Variants in ARHGEF28 observed in about 807,000 individuals in gnomAD.
ARHGEF28 encodes the protein Rho guanine nucleotide exchange factor 28, also known as 190 kDa guanine nucleotide exchange factor.
A neutral mutation model predicts 206.6 loss-of-function variants in ARHGEF28; 152 were observed. That is an observed-to-expected ratio of 0.74 (90% CI 0.64 to 0.84). The LOEUF is 0.84. Ranked by LOEUF, ARHGEF28 falls within the 40% of genes least tolerant of loss-of-function variation. The probability of loss-of-function intolerance (pLI) is 0.00; values close to 1 mark genes in which losing one functional copy is unlikely to be tolerated. For synonymous variants in ARHGEF28, 763 were observed against 776.4 expected, an observed-to-expected ratio of 0.98 and a Z score of 0.29; for missense variants, 2,028 against 2,073.2, an observed-to-expected ratio of 0.98 and a Z score of 0.42.
intron 25 of ARHGEF28, among the ~76,000 whole-genome samples, chr5:73,886,381 T>C (rs1436107605): frequency 6.6e-6 from 1 of 152,234 alleles, no homozygotes; most frequent in African/African-American, 2.4e-5. Flanking sequence ...TTCTGCTAAT[T>C]GTTGACACAG....
chr5:73,761,095 G>A (rs906717168), intron 4 of ARHGEF28, among the ~76,000 whole-genome samples: 13 of 151,700 alleles, frequency 8.6e-5, no homozygotes, highest in African/African-American at 3.1e-4. Context: ...CAAAGGATTC[G>A]GGACTGTAGA....
chr5:73,730,216 G>A (rs1306941138), intron 2 of ARHGEF28, among the ~76,000 whole-genome samples: 2 of 152,156 alleles, frequency 1.3e-5, no homozygotes, highest in East Asian at 1.9e-4. Flanking sequence ...ATCCTCAAAT[G>A]TAGAGTTTTT....
At chr5:73,814,846 A>G (rs1294003313) in intron 9 of ARHGEF28, among the ~76,000 whole-genome samples, 1 of 152,172 alleles carries the variant, frequency 6.6e-6, no homozygotes, top group Non-Finnish European at 1.5e-5. Flanking sequence ...GCTTAGATCA[A>G]GGCCAACCCC....
chr5:73,723,603 T>G (rs1750096099), intron 2 of ARHGEF28, among the ~76,000 whole-genome samples: 1 of 152,224 alleles, frequency 6.6e-6, no homozygotes, highest in Non-Finnish European at 1.5e-5. Flanking sequence ...ATTTGTATGC[T>G]TTTCTAAATG....
intron 7 of ARHGEF28, among the ~76,000 whole-genome samples, chr5:73,791,890 G>A (rs1026283343): frequency 6.6e-6 from 1 of 152,142 alleles, no homozygotes; most frequent in Non-Finnish European, 1.5e-5. Flanking sequence ...AACAGAATAG[G>A]TAGAGTTACT....
chr5:73,870,565 T>C (rs1328806131), intron 21 of ARHGEF28, among the ~76,000 whole-genome samples: 1 of 152,228 alleles, frequency 6.6e-6, no homozygotes, highest in Non-Finnish European at 1.5e-5. Context: ...TTACCTCTTC[T>C]GTGTAAGAAT....
At chr5:73,710,793 C>T (rs1018538759) in intron 2 of ARHGEF28, among the ~76,000 whole-genome samples, 3 of 152,104 alleles carry the variant, frequency 2.0e-5, no homozygotes, top group African/African-American at 4.8e-5. Flanking sequence ...GCCTCTGCCT[C>T]GCGGGTTCAA....
intron 9 of ARHGEF28, among the ~76,000 whole-genome samples, chr5:73,822,096 CTT>C (rs749286641): frequency 1.9e-4 from 29 of 152,260 alleles, no homozygotes; most frequent in Admixed American, 4.6e-4. Context: ...GAATAGGACT[CTT>C]TTTAAGGATC....
At chr5:73,797,913 A>G (rs1754915687) in intron 9 of ARHGEF28, among the ~76,000 whole-genome samples, 1 of 152,194 alleles carries the variant, frequency 6.6e-6, no homozygotes, top group Non-Finnish European at 1.5e-5. Flanking sequence ...TATCCAGTGT[A>G]GTAGCCTGTG....
At chr5:73,813,737 G>A (rs1430734411) in intron 9 of ARHGEF28, 19 of 1,489,434 alleles carry the variant, frequency 1.3e-5, no homozygotes, top group African/African-American at 4.2e-5. Context: ...TTTCTTTTCC[G>A]TGTTTCTTTG....
intron 3 of ARHGEF28, 30 bp from the exon 4 acceptor site, chr5:73,752,879 G>T: frequency 6.2e-7 from 1 of 1,611,956 alleles, no homozygotes; most frequent in South Asian, 1.1e-5. Context: ...TACAGACTTG[G>T]GGTGAACTGT....
chr5:73,896,311 G>GA (rs1761956881), intron 29 of ARHGEF28, among the ~76,000 whole-genome samples: 2 of 152,176 alleles, frequency 1.3e-5, no homozygotes, highest in African/African-American at 4.8e-5. Context: ...CGTGTTTAAG[G>GA]AAAGAAGGGA....
chr5:73,815,263 A>C (rs766689344), intron 9 of ARHGEF28, among the ~76,000 whole-genome samples: 9 of 152,114 alleles, frequency 5.9e-5, no homozygotes, highest in Non-Finnish European at 1.2e-4. Flanking sequence ...TAGAAAATGC[A>C]GTCAAATGTT....
intron 1 of ARHGEF28, among the ~76,000 whole-genome samples, chr5:73,656,664 G>T (rs1406040074): frequency 6.6e-6 from 1 of 152,126 alleles, no homozygotes; most frequent in Admixed American, 6.5e-5. Context: ...ACTATTGTCA[G>T]AATGATCCTG....
At chr5:73,665,757 C>T (rs1745910780) in intron 1 of ARHGEF28, among the ~76,000 whole-genome samples, 1 of 151,990 alleles carries the variant, frequency 6.6e-6, no homozygotes. Context: ...GTCCTCATGA[C>T]CTAATCACCT....
rs1345686291 is a variant in ARHGEF28 at position 73,896,914 on chromosome 5, G to T, written c.3842-1048G>T. Reference sequence around the variant, plus strand: ...GAACCCAGAGCAATGGAGGTGCTGCGTGAGCCGCAGTTGGATAATCCACCC... The same window carrying T: ...GAACCCAGAGCAATGGAGGTGCTGCTTGAGCCGCAGTTGGATAATCCACCC... On this transcript the variant is annotated intron_variant, in intron 29 of 35. Transcript: ENST00000513042. Among the ~76,000 whole-genome samples, 4 of 152,322 alleles carry T rather than the reference G, an allele frequency of 2.6e-5. No individual in the cohort carries two copies. In the East Asian group the frequency reaches 7.7e-4, roughly 29 times the overall value.
intron 7 of ARHGEF28, chr5:73,786,540 C>G (rs1445430801): frequency 6.6e-6 from 1 of 152,202 alleles, no homozygotes; most frequent in East Asian, 1.9e-4. Flanking sequence ...TCATCTCTCT[C>G]AAGTCCTTAT....
chr5:73,649,544 G>C (rs554004519), intron 1 of ARHGEF28, among the ~76,000 whole-genome samples: 16 of 152,360 alleles, frequency 1.1e-4, no homozygotes, highest in African/African-American at 3.8e-4. Flanking sequence ...TTGGAGCTCA[G>C]AGACATGAGA....
intron 26 of ARHGEF28, among the ~76,000 whole-genome samples, chr5:73,891,008 G>A (rs187289158): frequency 9.8e-5 from 15 of 152,316 alleles, no homozygotes; most frequent in South Asian, 6.2e-4. Flanking sequence ...TAATCATGGC[G>A]TACATGCCAA....
Sources: gnomAD v4.1 joint callset for allele counts (sites outside exome capture counted in the v4.1 genomes callset) on GRCh38, gnomAD v4.1.1 for gene constraint, MANE v1.5 for transcripts, NCBI Gene and HGNC (gene_info 2026-07-23, HGNC 2026-07-21) for gene names.